Variants in ABCA12 observed in about 807,000 individuals in gnomAD.
ABCA12 encodes glucosylceramide transporter ABCA12.
ABCA12 carries 156 observed loss-of-function variants against 293.5 expected under a neutral mutation model. The ratio of observed to expected loss-of-function variants is 0.53; its 90% CI spans 0.47 to 0.61. The LOEUF (loss-of-function observed/expected upper bound fraction) is 0.61, where lower values mean the gene tolerates loss of function less well. Ranked by LOEUF, ABCA12 falls within the 20% of genes least tolerant of loss-of-function variation. The pLI, the probability that ABCA12 is intolerant of heterozygous loss-of-function variation, is 0.00. For synonymous variants in ABCA12, 1,063 were observed against 1,108.0 expected, an observed-to-expected ratio of 0.96 and a Z score of 0.81; for missense variants, 2,797 against 3,090.2, an observed-to-expected ratio of 0.91 and a Z score of 2.25.
chr2:215,050,463 T>A (rs1180358868), intron 5 of ABCA12, among the ~76,000 whole-genome samples: 1 of 152,156 alleles, frequency 6.6e-6, no homozygotes, highest in African/African-American at 2.4e-5. Flanking sequence ...ATTTCATAAT[T>A]CAGGCCAGTC....
chr2:215,065,999 G>A (rs1015416419), intron 2 of ABCA12, among the ~76,000 whole-genome samples: 1 of 152,050 alleles, frequency 6.6e-6, no homozygotes, highest in African/African-American at 2.4e-5. Flanking sequence ...TTAAACCTAA[G>A]TGAAAATTGC....
chr2:214,946,828 A>G (rs1443116795), intron 48 of ABCA12, among the ~76,000 whole-genome samples: 1 of 152,178 alleles, frequency 6.6e-6, no homozygotes. Context: ...CAGGTAATCA[A>G]TTAAATTTTC....
At chr2:215,017,157 T>C (rs570365185) in intron 14 of ABCA12, among the ~76,000 whole-genome samples, 1 of 152,202 alleles carries the variant, frequency 6.6e-6, no homozygotes, top group African/African-American at 2.4e-5. Flanking sequence ...AAGGGGAACC[T>C]TAAAGGCTTT....
chr2:215,075,301 G>A (rs1701813481), intron 2 of ABCA12, among the ~76,000 whole-genome samples: 1 of 152,112 alleles, frequency 6.6e-6, no homozygotes, highest in African/African-American at 2.4e-5. Context: ...AATGAAAACA[G>A]TGTAAAGTTG....
At chr2:215,133,570 C>T (rs1159416715) in intron 1 of ABCA12, among the ~76,000 whole-genome samples, 1 of 152,068 alleles carries the variant, frequency 6.6e-6, no homozygotes, top group Non-Finnish European at 1.5e-5. Flanking sequence ...CTTCCTATTG[C>T]TAACCATCTC....
At chr2:214,996,747 GAAATATGTA>G (rs757240063) in intron 23 of ABCA12, among the ~76,000 whole-genome samples, 23 of 152,194 alleles carry the variant, frequency 1.5e-4, no homozygotes, top group Non-Finnish European at 2.1e-4. Context: ...TGAACTAACA[GAAATATGTA>G]GCAGCAACTT....
rs1178168224 is a variant in ABCA12, at chr2:215,012,130, A to G, written c.1962T>C (p.Phe654=). 6 of 1,613,734 alleles carry G rather than the reference A, an allele frequency of 3.7e-6. No homozygotes were observed. In the African/African-American group the frequency reaches 5.3e-5, roughly 14 times the overall value. The part of the protein sequence containing the change: ...LNIYNFTYKV[F]FPRKDQKPVE... ...CTGGCTTTTGATCTTTCCTCGGGAA[A>G]AACACCTAACAGAAACAGAATAAAA... Residue 654 remains phenylalanine, a synonymous_variant, in exon 16 of 53, where the codon TTT becomes TTC. Coordinates refer to ENST00000272895, the MANE Select transcript of ABCA12 (RefSeq NM_173076.3).
At chr2:215,050,320 G>A (rs76025159) in intron 5 of ABCA12, among the ~76,000 whole-genome samples, 9,034 of 152,146 alleles carry the variant, frequency 0.059, 892 homozygotes, top group African/African-American at 0.2. Context: ...TTGCAAAGCA[G>A]TTCTTCCATC....
intron 1 of ABCA12, among the ~76,000 whole-genome samples, chr2:215,134,546 A>ATGTATATG (rs1559214202): frequency 5.3e-5 from 5 of 94,900 alleles, no homozygotes; most frequent in African/African-American, 2.3e-4. Context: ...GTACATATAT[A>ATGTATATG]CGTATATGTA....
At chr2:215,018,196 G>A (rs1299388855) in intron 13 of ABCA12, 64 bp from the exon 14 acceptor site, 1 of 1,567,394 alleles carries the variant, frequency 6.4e-7, no homozygotes, top group Non-Finnish European at 8.6e-7. Flanking sequence ...TTTTTAGTAT[G>A]ACTAACATAG....
chr2:214,942,264 A>G (rs1317185263), intron 50 of ABCA12, among the ~76,000 whole-genome samples: 1 of 152,184 alleles, frequency 6.6e-6, no homozygotes, highest in Non-Finnish European at 1.5e-5. Flanking sequence ...TCTAAGAGCA[A>G]CACAATGCCT....
intron 49 of ABCA12, among the ~76,000 whole-genome samples, chr2:214,943,460 C>G (rs1218210325): frequency 3.3e-5 from 5 of 151,890 alleles, no homozygotes; most frequent in African/African-American, 1.2e-4. Context: ...TTTCTTGATT[C>G]TCTTTTAGTT....
intron 11 of ABCA12, among the ~76,000 whole-genome samples, chr2:215,024,456 G>T (rs1275363599): frequency 6.6e-6 from 1 of 152,204 alleles, no homozygotes; most frequent in Non-Finnish European, 1.5e-5. Flanking sequence ...CAAGAAAGGT[G>T]ATACTCTAAT....
At chr2:214,938,924 G>C (rs1698309243) in intron 50 of ABCA12, among the ~76,000 whole-genome samples, 1 of 152,136 alleles carries the variant, frequency 6.6e-6, no homozygotes, top group South Asian at 2.1e-4. Flanking sequence ...TCACTCTGAT[G>C]ATAGTTTCTT....
At chr2:215,079,599 T>C (rs1231038503) in intron 2 of ABCA12, among the ~76,000 whole-genome samples, 1 of 152,228 alleles carries the variant, frequency 6.6e-6, no homozygotes, top group Non-Finnish European at 1.5e-5. Flanking sequence ...CCCAGTTCAA[T>C]TACTTCTTTC....
chr2:215,137,141 C>G (rs1305238619), intron 1 of ABCA12, among the ~76,000 whole-genome samples: 1 of 152,050 alleles, frequency 6.6e-6, no homozygotes, highest in Admixed American at 6.5e-5. Flanking sequence ...TTTTAAAACC[C>G]TACCCACAAA....
intron 39 of ABCA12, among the ~76,000 whole-genome samples, chr2:214,966,507 CATTA>C (rs1377553732): frequency 2.0e-5 from 3 of 152,074 alleles, no homozygotes; most frequent in African/African-American, 7.2e-5. Context: ...TATTTGTAAA[CATTA>C]ATTGTTTTTA....
chr2:214,999,759 C>T, intron 22 of ABCA12: 1 of 981,082 alleles, frequency 1.0e-6, no homozygotes, highest in South Asian at 4.7e-5. Flanking sequence ...GCCAGCTAAC[C>T]TTGACAGTCC....
intron 2 of ABCA12, among the ~76,000 whole-genome samples, chr2:215,097,325 C>CT (rs149215187): frequency 0.055 from 8,357 of 151,094 alleles, 738 homozygotes; most frequent in African/African-American, 0.19. Flanking sequence ...CTCCAAAAAT[C>CT]TTTTTTTTTC....
Sources: gnomAD v4.1 joint callset for allele counts (sites outside exome capture counted in the v4.1 genomes callset) on GRCh38, gnomAD v4.1.1 for gene constraint, MANE v1.5 for transcripts, NCBI Gene and HGNC (gene_info 2026-07-23, HGNC 2026-07-21) for gene names.